Variants in CHSY1 observed in about 807,000 individuals in gnomAD.
The protein encoded by CHSY1 is chondroitin sulfate synthase 1, also known as N-acetylgalactosaminyl-proteoglycan 3-beta-glucuronosyltransferase 1.
Under a neutral mutation model 59.8 loss-of-function variants are expected in CHSY1, and 13 were observed. That is an observed-to-expected ratio of 0.22 (90% confidence interval 0.14 to 0.35). CHSY1 has a LOEUF of 0.35. CHSY1 is among the 10% of genes least tolerant of loss of function. The pLI is 1.00. For missense variants in CHSY1, 947 were observed against 1,030.6 expected (o/e 0.92, Z 1.11); for synonymous variants, 459 against 401.2 (o/e 1.14, Z -1.72).
chr15:101,204,006 G>A lies in CHSY1; in HGVS notation c.817-25026C>T, dbSNP rs903704676. Among the ~76,000 whole-genome samples, 2 of 152,198 alleles carry A rather than the reference G, an allele frequency of 1.3e-5. 1 individual carries two copies. Among genetic ancestry groups the A allele is most frequent in the East Asian group, 3.8e-4 (2 of 5,202 alleles). ...ACTCTGTAGATTACATAACTGTGCT[G>A]TATCAACGTTAATTTCCCTGATTTT... On this transcript the variant is annotated intron_variant, in intron 2 of 2. Coordinates refer to ENST00000254190, the MANE Select transcript of CHSY1 (RefSeq NM_014918.5).
In CHSY1 at chr15:101,176,740, G is replaced by A. The variant is rs1448153007; in HGVS notation, c.*648C>T. 1.4e-5 allele frequency: 3 copies of A among 221,724 alleles called. No individual in the cohort carries two copies. The highest frequency in any genetic ancestry group is 2.6e-5 in the Non-Finnish European group (3 of 114,886). 13.7% of individuals were successfully genotyped at this position (221,724 alleles called of 1,614,324 possible). The stretch of plus-strand genomic sequence containing the variant: ...GAACCAGGGAAGTGGAGGTTAAAGT[G>A]AGCCAAGATTGCGCCACTGCATTCC... On this transcript the variant is annotated 3_prime_UTR_variant, in exon 3 of 3. Coordinates refer to ENST00000254190, the MANE Select transcript of CHSY1 (RefSeq NM_014918.5).
intron 2 of CHSY1, among the ~76,000 whole-genome samples, chr15:101,218,486 A>C (rs1460812222): frequency 1.3e-5 from 2 of 152,110 alleles, no homozygotes; most frequent in Non-Finnish European, 2.9e-5. Flanking sequence ...TATCCCAGCT[A>C]CTAGGGAGGC....
At chr15:101,224,771 AAC>A (rs2038823187) in intron 2 of CHSY1, among the ~76,000 whole-genome samples, 1 of 152,188 alleles carries the variant, frequency 6.6e-6, no homozygotes, top group African/African-American at 2.4e-5. Flanking sequence ...TATCCCAGAC[AAC>A]ACCGCCTGAG....
intron 2 of CHSY1, among the ~76,000 whole-genome samples, chr15:101,196,370 G>A (rs1003138054): frequency 1.3e-5 from 2 of 152,026 alleles, no homozygotes; most frequent in Non-Finnish European, 2.9e-5. Flanking sequence ...GCACTTTCTG[G>A]TGTCCCATGC....
At chr15:101,189,801 C>T (rs185547045) in intron 2 of CHSY1, among the ~76,000 whole-genome samples, 1 of 151,992 alleles carries the variant, frequency 6.6e-6, no homozygotes, top group Admixed American at 6.5e-5. Context: ...ACCCAACCAC[C>T]CCCACCACCG....
intron 2 of CHSY1, among the ~76,000 whole-genome samples, chr15:101,233,882 G>A (rs1596451776): frequency 6.6e-6 from 1 of 152,196 alleles, no homozygotes; most frequent in Admixed American, 6.5e-5. Context: ...ACTCAAGTAC[G>A]TGCTTTAGAA....
At chr15:101,246,461 G>A (rs1185098129) in intron 1 of CHSY1, among the ~76,000 whole-genome samples, 2 of 151,124 alleles carry the variant, frequency 1.3e-5, no homozygotes, top group Non-Finnish European at 2.9e-5. Context: ...TGAAGCAGAT[G>A]AATAACAAAG....
intron 2 of CHSY1, among the ~76,000 whole-genome samples, chr15:101,228,698 T>C (rs1338186099): frequency 6.6e-6 from 1 of 152,198 alleles, no homozygotes; most frequent in African/African-American, 2.4e-5. Flanking sequence ...AATTCATCTC[T>C]AGCAAACTTG....
chr15:101,176,195 C>A lies in CHSY1; in HGVS notation c.*1193G>T. The stretch of plus-strand genomic sequence containing the variant: ...TAAATAATACTAACTAACAGGTACT[C>A]AAGAAATGGCAGAGCTCTGAACAAC... On this transcript the variant is annotated 3_prime_UTR_variant, in exon 3 of 3. Coordinates refer to ENST00000254190, the MANE Select transcript of CHSY1 (RefSeq NM_014918.5). The A allele has an allele frequency of 2.5e-6, 1 of 398,618 alleles. No homozygotes were observed. The highest frequency in any genetic ancestry group is 4.4e-6 in the Non-Finnish European group (1 of 225,958). The allele number at this position is 398,618 out of a possible 1,614,324, so 24.7% of individuals were successfully genotyped here. A position where few individuals can be genotyped will look rare whatever the true frequency, so the allele number is the denominator to read the frequency against.
chr15:101,184,668 AAAAG>A (rs537953140), intron 2 of CHSY1, among the ~76,000 whole-genome samples: 114 of 152,166 alleles, frequency 7.5e-4, no homozygotes, highest in African/African-American at 2.6e-3. Flanking sequence ...TTTTTAATGA[AAAAG>A]AAATCTGTTG....
intron 2 of CHSY1, among the ~76,000 whole-genome samples, chr15:101,184,571 A>G (rs1400085743): frequency 6.6e-6 from 1 of 151,766 alleles, no homozygotes; most frequent in African/African-American, 2.4e-5. Context: ...GCTGGTCTTG[A>G]ACTCCTGGGA....
At chr15:101,191,534 C>T (rs1234060840) in intron 2 of CHSY1, among the ~76,000 whole-genome samples, 1 of 152,198 alleles carries the variant, frequency 6.6e-6, no homozygotes. Flanking sequence ...GAATGTTCAA[C>T]ACCAAGAGTG....
intron 2 of CHSY1, among the ~76,000 whole-genome samples, chr15:101,207,118 T>C (rs2038634863): frequency 6.6e-6 from 1 of 152,236 alleles, no homozygotes; most frequent in South Asian, 2.1e-4. Flanking sequence ...AAACAAATAT[T>C]GTCTAATATA....
intron 1 of CHSY1, among the ~76,000 whole-genome samples, chr15:101,237,953 C>T (rs1323897094): frequency 6.6e-6 from 1 of 152,078 alleles, no homozygotes; most frequent in African/African-American, 2.4e-5. Context: ...AATGAAACCC[C>T]CACACATCTT....
At chr15:101,209,217 G>GAACACAGC (rs1350498736) in intron 2 of CHSY1, among the ~76,000 whole-genome samples, 4 of 152,196 alleles carry the variant, frequency 2.6e-5, no homozygotes, top group African/African-American at 9.7e-5. Flanking sequence ...GATACAAAGA[G>GAACACAGC]AACACAGCAA....
At chr15:101,189,124 C>A (rs752136636) in intron 2 of CHSY1, among the ~76,000 whole-genome samples, 1 of 152,212 alleles carries the variant, frequency 6.6e-6, no homozygotes, top group South Asian at 2.1e-4. Flanking sequence ...AAGAAACAAG[C>A]GCGAACACAA....
intron 2 of CHSY1, among the ~76,000 whole-genome samples, chr15:101,227,643 T>G (rs2141270768): frequency 6.6e-6 from 1 of 152,330 alleles, no homozygotes; most frequent in East Asian, 1.9e-4. Flanking sequence ...AAGAAGGCCC[T>G]AAGCTCTCTG....
At chr15:101,199,323 G>A (rs902896127) in intron 2 of CHSY1, among the ~76,000 whole-genome samples, 11 of 152,198 alleles carry the variant, frequency 7.2e-5, no homozygotes, top group Non-Finnish European at 1.2e-4. Context: ...CTAACATGGT[G>A]AAACTCCGTC....
At chr15:101,187,115 G>C (rs554394483) in intron 2 of CHSY1, among the ~76,000 whole-genome samples, 1 of 152,224 alleles carries the variant, frequency 6.6e-6, no homozygotes, top group South Asian at 2.1e-4. Context: ...TATAAAATTA[G>C]TTATAAATAC....
Sources: gnomAD v4.1 joint callset for allele counts (sites outside exome capture counted in the v4.1 genomes callset) on GRCh38, gnomAD v4.1.1 for gene constraint, MANE v1.5 for transcripts, NCBI Gene and HGNC (gene_info 2026-07-23, HGNC 2026-07-21) for gene names.